The following DLGAP1 variants were observed in gnomAD, a reference collection of about 807,000 sequenced individuals.
The protein encoded by DLGAP1 is DLG associated protein 1.
DLGAP1 carries 11 observed loss-of-function variants against 90.8 expected under a neutral mutation model. The observed-to-expected ratio is 0.12, with a 90% confidence interval of 0.08 to 0.20. The LOEUF (loss-of-function observed/expected upper bound fraction) is 0.20. DLGAP1 is among the 10% of genes least tolerant of loss of function. DLGAP1 has a pLI of 1.00. For synonymous variants in DLGAP1, 558 were observed against 540.7 expected, an observed-to-expected ratio of 1.03 and a Z score of -0.44; for missense variants, 1,050 against 1,333.8, an observed-to-expected ratio of 0.79 and a Z score of 3.31.
chr18:3,930,481 G>A (rs1274493113), intron 3 of DLGAP1, among the ~76,000 whole-genome samples: 1 of 152,152 alleles, frequency 6.6e-6, no homozygotes, highest in African/African-American at 2.4e-5. Flanking sequence ...ATCTTGAGTG[G>A]GGGCCTGTGT....
intron 8 of DLGAP1, among the ~76,000 whole-genome samples, chr18:3,574,382 C>T (rs546511960): frequency 1.5e-4 from 23 of 152,228 alleles, no homozygotes; most frequent in Admixed American, 2.6e-4. Flanking sequence ...TAACTATGGC[C>T]ACAGCCCATA....
intron 1 of DLGAP1, among the ~76,000 whole-genome samples, chr18:4,412,692 A>G (rs1487568667): frequency 6.6e-6 from 1 of 151,918 alleles, no homozygotes; most frequent in East Asian, 1.9e-4. Context: ...TCATGTTGCT[A>G]AGGTGGCTCT....
intron 2 of DLGAP1, among the ~76,000 whole-genome samples, chr18:4,112,643 A>G (rs1201870446): frequency 6.6e-6 from 1 of 152,114 alleles, no homozygotes; most frequent in Non-Finnish European, 1.5e-5. Context: ...GATTTAGGGT[A>G]TACATGTGCA....
At chr18:3,881,868 G>A (rs962161755) in intron 3 of DLGAP1, among the ~76,000 whole-genome samples, 8 of 152,306 alleles carry the variant, frequency 5.3e-5, no homozygotes, top group Admixed American at 4.6e-4. Context: ...AGCCGAGATC[G>A]TGCCACTGCA....
chr18:3,960,796 G>A (rs543495221), intron 3 of DLGAP1, among the ~76,000 whole-genome samples: 1 of 152,192 alleles, frequency 6.6e-6, no homozygotes, highest in Admixed American at 6.5e-5. Flanking sequence ...CCCCAGCCAG[G>A]CCCCCTCTTG....
chr18:3,771,301 C>A (rs1568104766), intron 5 of DLGAP1: 2 of 152,320 alleles, frequency 1.3e-5, no homozygotes, highest in Non-Finnish European at 1.5e-5. Flanking sequence ...TTCCCTTCCT[C>A]TTCTCTGGGT....
At chr18:4,297,890 C>T (rs1226295476) in intron 1 of DLGAP1, among the ~76,000 whole-genome samples, 2 of 152,086 alleles carry the variant, frequency 1.3e-5, no homozygotes, top group Non-Finnish European at 2.9e-5. Flanking sequence ...AAACCTAATG[C>T]AAACGCAGGT....
chr18:3,514,204 T>G (rs951686402), intron 10 of DLGAP1, among the ~76,000 whole-genome samples: 10 of 152,036 alleles, frequency 6.6e-5, no homozygotes, highest in Non-Finnish European at 1.0e-4. Flanking sequence ...ACTCCCGAGT[T>G]CAAGTGATTC....
intron 1 of DLGAP1, among the ~76,000 whole-genome samples, chr18:4,281,389 A>G (rs900145078): frequency 3.3e-5 from 5 of 152,004 alleles, no homozygotes; most frequent in Non-Finnish European, 5.9e-5. Flanking sequence ...CGTCTGTACT[A>G]AAAAAATACA....
At chr18:4,326,390 C>A (rs2080818879) in intron 1 of DLGAP1, among the ~76,000 whole-genome samples, 1 of 151,762 alleles carries the variant, frequency 6.6e-6, no homozygotes, top group Admixed American at 6.6e-5. Context: ...CACTTATACC[C>A]AAGGAGTGTA....
chr18:3,695,031 C>A (rs1016932328), intron 7 of DLGAP1, among the ~76,000 whole-genome samples: 19 of 151,626 alleles, frequency 1.3e-4, no homozygotes, highest in African/African-American at 3.9e-4. Context: ...GCTCCGCCTC[C>A]TGGGTTCATG....
intron 5 of DLGAP1, among the ~76,000 whole-genome samples, chr18:3,802,937 A>T (rs55938322): frequency 0.54 from 82,057 of 152,058 alleles, 24,831 homozygotes; most frequent in Non-Finnish European, 0.68. Context: ...ATCTTTGAGG[A>T]TCCTTTTAGT....
At chr18:3,659,394 TACACACACACACACACACAC>T (rs71366699) in intron 7 of DLGAP1, among the ~76,000 whole-genome samples, 3 of 102,126 alleles carry the variant, frequency 2.9e-5, no homozygotes, top group East Asian at 3.1e-4. Context: ...CATACATTTA[TACACACACACACACACACAC>T]ACACACACAC....
chr18:4,216,420 T>A (rs1382097925), intron 1 of DLGAP1, among the ~76,000 whole-genome samples: 1 of 152,136 alleles, frequency 6.6e-6, no homozygotes, highest in Non-Finnish European at 1.5e-5. Flanking sequence ...ACTCTTTAAT[T>A]TTCTACCTGT....
chr18:3,518,892 A>G (rs1043247758), intron 10 of DLGAP1, among the ~76,000 whole-genome samples: 2 of 152,224 alleles, frequency 1.3e-5, no homozygotes, highest in Non-Finnish European at 2.9e-5. Flanking sequence ...CTCCCTCCCC[A>G]GTAGTGTGGA....
chr18:3,685,432 C>T lies in DLGAP1; in HGVS notation c.1591+43703G>A, dbSNP rs78604639. Among the ~76,000 whole-genome samples, 336 of 151,986 alleles carry T rather than the reference C, an allele frequency of 2.2e-3. 8 individuals are homozygous for T. The East Asian group carries it at 0.034, about 15-fold the overall frequency. On this transcript the variant is annotated intron_variant, in intron 7 of 12. Transcript: ENST00000315677. ...ACAAAAAATTAGCCGGGTGTGGTGG[C>T]GGGCACCTATGGTCCCAGCTACTTG...
intron 1 of DLGAP1, among the ~76,000 whole-genome samples, chr18:4,340,485 G>A (rs1203602974): frequency 6.6e-6 from 1 of 152,110 alleles, no homozygotes; most frequent in Non-Finnish European, 1.5e-5. Context: ...TGGATAAGGG[G>A]ATTGCTGTAC....
intron 8 of DLGAP1, among the ~76,000 whole-genome samples, chr18:3,568,306 ATAAAC>A (rs2054551943): frequency 6.7e-6 from 1 of 148,644 alleles, no homozygotes; most frequent in African/African-American, 2.6e-5. Context: ...CCTTATTAAG[ATAAAC>A]TATAGAGTGT....
At chr18:4,453,493 A>G (rs2083885424) in intron 1 of DLGAP1, among the ~76,000 whole-genome samples, 1 of 152,178 alleles carries the variant, frequency 6.6e-6, no homozygotes, top group African/African-American at 2.4e-5. Context: ...GCCAATAGAA[A>G]GTCGTTTCCT....
Sources: allele counts gnomAD v4.1 joint callset (sites outside exome capture counted in the v4.1 genomes callset), GRCh38; gene constraint gnomAD v4.1.1; transcripts MANE v1.5; gene names NCBI Gene and HGNC (gene_info 2026-07-23, HGNC 2026-07-21).